PIBF1: variants seen among roughly 807,000 people sequenced by gnomAD.
PIBF1 encodes the protein progesterone immunomodulatory binding factor 1.
A neutral mutation model predicts 112.5 loss-of-function variants in PIBF1; 90 were observed. The ratio of observed to expected loss-of-function variants is 0.80; its 90% CI spans 0.67 to 0.95. The LOEUF is 0.95. Among genes scored for constraint, PIBF1 ranks in the 40% least tolerant of loss-of-function variants. The pLI, the probability that PIBF1 is intolerant of heterozygous loss-of-function variation, is 0.00. For synonymous variants in PIBF1, 301 were observed against 288.6 expected (o/e 1.04, Z -0.44); for missense variants, 915 against 852.3 (o/e 1.07, Z -0.92).
intron 10 of PIBF1, among the ~76,000 whole-genome samples, chr13:72,879,933 C>T (rs1179906681): frequency 6.6e-6 from 1 of 152,216 alleles, no homozygotes; most frequent in Non-Finnish European, 1.5e-5. Flanking sequence ...GCTACAACCG[C>T]ACATTTGAGT....
chr13:72,913,692 C>T (rs890792521), intron 12 of PIBF1, among the ~76,000 whole-genome samples: 8 of 151,528 alleles, frequency 5.3e-5, no homozygotes, highest in South Asian at 2.1e-4. Flanking sequence ...GAGCCCTGAA[C>T]GTCAAGGCTG....
At chr13:72,880,592 A>G in intron 10 of PIBF1, among the ~76,000 whole-genome samples, 1 of 152,328 alleles carries the variant, frequency 6.6e-6, no homozygotes, top group East Asian at 1.9e-4. Context: ...AAAGAGTGGT[A>G]TGGAGTTTGA....
At chr13:72,923,092 A>G (rs1204048331) in intron 13 of PIBF1, among the ~76,000 whole-genome samples, 2 of 152,186 alleles carry the variant, frequency 1.3e-5, no homozygotes, top group Non-Finnish European at 2.9e-5. Flanking sequence ...TCAAATAACT[A>G]ATATAGCTAA....
chr13:73,005,132 G>A (rs1211060863), intron 17 of PIBF1, among the ~76,000 whole-genome samples: 1 of 152,092 alleles, frequency 6.6e-6, no homozygotes, highest in African/African-American at 2.4e-5. Flanking sequence ...CCGAGATCAC[G>A]TCGTTGCACT....
chr13:73,014,453 G>A (rs983527349), intron 17 of PIBF1, among the ~76,000 whole-genome samples: 1 of 152,114 alleles, frequency 6.6e-6, no homozygotes, highest in Admixed American at 6.6e-5. Flanking sequence ...AAAATATTAT[G>A]TGATACTATA....
chr13:72,984,324 T>G (rs2043223765), intron 16 of PIBF1, among the ~76,000 whole-genome samples: 2 of 152,188 alleles, frequency 1.3e-5, no homozygotes, highest in South Asian at 4.1e-4. Context: ...CAAATTACTT[T>G]CAAGTAAGTG....
At chr13:72,972,048 ATTTT>A (rs1555327021) in intron 15 of PIBF1, among the ~76,000 whole-genome samples, 2 of 116,942 alleles carry the variant, frequency 1.7e-5, no homozygotes, top group African/African-American at 2.8e-5. Flanking sequence ...TTATTTATTT[ATTTT>A]TTGAGAGAGC....
intron 11 of PIBF1, among the ~76,000 whole-genome samples, chr13:72,902,109 A>AT (rs1166597509): frequency 6.6e-6 from 1 of 150,918 alleles, no homozygotes; most frequent in Non-Finnish European, 1.5e-5. Context: ...ATTGGAGACT[A>AT]TTATTCTAAG....
At chr13:72,960,423 A>G (rs931989559) in intron 14 of PIBF1, among the ~76,000 whole-genome samples, 2 of 152,216 alleles carry the variant, frequency 1.3e-5, no homozygotes, top group African/African-American at 4.8e-5. Flanking sequence ...ATATGTATAT[A>G]TTAAAACCTA....
At chr13:72,930,484 AG>A (rs1207441017) in intron 13 of PIBF1, among the ~76,000 whole-genome samples, 2 of 152,290 alleles carry the variant, frequency 1.3e-5, no homozygotes, top group East Asian at 3.9e-4. Context: ...CATAGTTAGA[AG>A]GAATAGATTT....
At chr13:72,818,650 C>T (rs2036403479) in intron 5 of PIBF1, among the ~76,000 whole-genome samples, 1 of 145,704 alleles carries the variant, frequency 6.9e-6, no homozygotes, top group African/African-American at 2.5e-5. Flanking sequence ...TTATTTTCTT[C>T]CCTTGCCACC....
chr13:72,814,737 T>A (rs1469850790), intron 5 of PIBF1, among the ~76,000 whole-genome samples: 1 of 150,386 alleles, frequency 6.6e-6, no homozygotes, highest in Non-Finnish European at 1.5e-5. Context: ...CTTTATTATT[T>A]AAAAAAAAAG....
chr13:72,844,110 C>T (rs2138256508), intron 9 of PIBF1, among the ~76,000 whole-genome samples: 1 of 152,288 alleles, frequency 6.6e-6, no homozygotes, highest in African/African-American at 2.4e-5. Flanking sequence ...AAAAGAAACA[C>T]ATTTTATGAA....
intron 5 of PIBF1, among the ~76,000 whole-genome samples, chr13:72,812,784 CA>C (rs907435967): frequency 2.8e-4 from 41 of 144,214 alleles, no homozygotes; most frequent in Admixed American, 2.2e-3. Context: ...CAAAAAACTA[CA>C]AAAAAAAAAC....
intron 11 of PIBF1, chr13:72,901,212 T>TA (rs755167758): frequency 6.1e-4 from 144 of 235,212 alleles, no homozygotes; most frequent in South Asian, 1.3e-3. Flanking sequence ...CTCAAATCAG[T>TA]AAAAAAAACA....
At chr13:72,803,349 G>C (rs2035577215) in intron 5 of PIBF1, among the ~76,000 whole-genome samples, 1 of 151,886 alleles carries the variant, frequency 6.6e-6, no homozygotes, top group Non-Finnish European at 1.5e-5. Context: ...GTCGACAACG[G>C]TAGAAGGACA....
At chr13:72,952,019 CTTTCT>C (rs1180329397) in intron 14 of PIBF1, among the ~76,000 whole-genome samples, 1 of 140,004 alleles carries the variant, frequency 7.1e-6, no homozygotes, top group African/African-American at 2.5e-5. Flanking sequence ...TAATTTCTTT[CTTTCT>C]TTTCTTTTCT....
At chr13:72,950,134 C>T (rs2042257979) in intron 14 of PIBF1, among the ~76,000 whole-genome samples, 1 of 152,158 alleles carries the variant, frequency 6.6e-6, no homozygotes, top group South Asian at 2.1e-4. Flanking sequence ...CCCCTTTGAG[C>T]AATCTTGAAC....
chr13:72,941,142 T>G (rs191850517), intron 14 of PIBF1, among the ~76,000 whole-genome samples: 1 of 152,246 alleles, frequency 6.6e-6, no homozygotes, highest in Non-Finnish European at 1.5e-5. Context: ...AGAGTTTACC[T>G]TGTTTGTTTC....
Sources: gnomAD v4.1 joint callset for allele counts (sites outside exome capture counted in the v4.1 genomes callset) on GRCh38, gnomAD v4.1.1 for gene constraint, MANE v1.5 for transcripts, NCBI Gene and HGNC (gene_info 2026-07-23, HGNC 2026-07-21) for gene names.